Variants in CYS1 observed in about 807,000 individuals in gnomAD.
The protein encoded by CYS1 is cystin 1, also known as cystin-1.
A neutral mutation model predicts 9.6 loss-of-function variants in CYS1; 5 were observed. The ratio of observed to expected loss-of-function variants is 0.52; its 90% confidence interval spans 0.27 to 1.10. CYS1 has a LOEUF of 1.10. Among genes scored for constraint, CYS1 ranks in the 50% least tolerant of loss-of-function variants. The pLI is 0.11. For synonymous variants in CYS1, 88 were observed against 95.7 expected (o/e 0.92, Z 0.47); for missense variants, 221 against 207.9 (o/e 1.06, Z -0.39).
chr2:10,074,482 C>G (rs1661816117), intron 1 of CYS1, among the ~76,000 whole-genome samples: 1 of 152,118 alleles, frequency 6.6e-6, no homozygotes, highest in African/African-American at 2.4e-5. Context: ...CACTGTGGAT[C>G]CTTCTATTAC....
chr2:10,075,554 T>G (rs1661831361), intron 1 of CYS1, among the ~76,000 whole-genome samples: 1 of 152,360 alleles, frequency 6.6e-6, no homozygotes, highest in African/African-American at 2.4e-5. Context: ...CCCATCACCT[T>G]GACGTCCTTC....
Position 10,056,957 on chromosome 2 carries a change from A to C in CYS1, c.*1896T>G, listed in dbSNP as rs1288791746. 1 of 152,238 alleles carries C rather than the reference A, an allele frequency of 6.6e-6. No homozygotes were observed. The highest frequency in any genetic ancestry group is 1.5e-5 in the Non-Finnish European group (1 of 68,050). The allele number at this position is 152,238 out of a possible 1,614,324, so 9.4% of individuals were successfully genotyped here. ...TCCTGTGACTTCTTAGCTTTGATGA[A>C]GTGCATTTACTTTGACATTGATATA... On this transcript the variant is annotated 3_prime_UTR_variant, in exon 3 of 3. Transcript: ENST00000381813.
intron 1 of CYS1, among the ~76,000 whole-genome samples, chr2:10,067,215 C>T (rs112643632): frequency 7.9e-5 from 12 of 152,032 alleles, no homozygotes; most frequent in Admixed American, 1.3e-4. Flanking sequence ...GGAGTTTTCC[C>T]ATGTTGGCCA....
chr2:10,065,215 C>T (rs1160100168), intron 2 of CYS1, among the ~76,000 whole-genome samples: 2 of 152,218 alleles, frequency 1.3e-5, no homozygotes, highest in African/African-American at 2.4e-5. Context: ...TAAGCGAGTT[C>T]AGCAGGGTTC....
intron 1 of CYS1, among the ~76,000 whole-genome samples, chr2:10,077,047 A>G (rs1209603015): frequency 1.3e-5 from 2 of 152,114 alleles, no homozygotes; most frequent in Non-Finnish European, 2.9e-5. Flanking sequence ...CGGCAGCTAC[A>G]TCCCTCCAGC....
At chr2:10,069,806 A>G (rs60872665) in intron 1 of CYS1, among the ~76,000 whole-genome samples, 17,034 of 152,310 alleles carry the variant, frequency 0.11, 1,007 homozygotes, top group Middle Eastern at 0.23. Flanking sequence ...CAAAGTTCCC[A>G]TGACATAAAT....
intron 1 of CYS1, among the ~76,000 whole-genome samples, chr2:10,066,621 C>T (rs1311177004): frequency 6.6e-6 from 1 of 152,248 alleles, no homozygotes; most frequent in Non-Finnish European, 1.5e-5. Flanking sequence ...CCTGGCTGTC[C>T]GCTAAAGCAT....
intron 1 of CYS1, among the ~76,000 whole-genome samples, chr2:10,075,127 AAT>A (rs898157198): frequency 3.4e-5 from 5 of 146,554 alleles, no homozygotes; most frequent in African/African-American, 5.0e-5. Context: ...AAAAAAAAAA[AAT>A]CGCTTCTGGA....
chr2:10,079,670 C>T (rs1272082229), intron 1 of CYS1, among the ~76,000 whole-genome samples: 2 of 151,878 alleles, frequency 1.3e-5, no homozygotes, highest in Non-Finnish European at 2.9e-5. Context: ...TAGGGGTGTC[C>T]TTCCTCGGCC....
At position 10,056,721 on chromosome 2, in the gene CYS1, C is replaced by T. The variant is rs1661553767; in HGVS notation, c.*2132G>A. 6.6e-6 allele frequency: 1 copy of T among 152,266 alleles called. No individual in the cohort carries two copies. The highest frequency in any genetic ancestry group is 1.5e-5 in the Non-Finnish European group (1 of 68,068). 9.4% of individuals were successfully genotyped at this position (152,266 alleles called of 1,614,324 possible). A position where few individuals can be genotyped will look rare whatever the true frequency, so the allele number is the denominator to read the frequency against. On this transcript the variant is annotated 3_prime_UTR_variant, in exon 3 of 3. Coordinates refer to ENST00000381813, the MANE Select transcript of CYS1 (RefSeq NM_001037160.3). ...GGCTGCAGGCTGCAGCAACGCCCACCCCTCTACTTCCAGGCACAGCCCCTC... is the reference window on the plus strand; with the variant it reads ...GGCTGCAGGCTGCAGCAACGCCCACTCCTCTACTTCCAGGCACAGCCCCTC...
At chr2:10,079,470 A>G (rs999613676) in intron 1 of CYS1, among the ~76,000 whole-genome samples, 2 of 152,206 alleles carry the variant, frequency 1.3e-5, no homozygotes, top group Non-Finnish European at 2.9e-5. Flanking sequence ...GCAGCATCCT[A>G]AAAATATCAG....
In CYS1 at chr2:10,080,287, G is replaced by A. The variant is rs2125293654; in HGVS notation, c.-64C>T. 2.0e-6 allele frequency: 2 copies of A among 976,422 alleles called. No individual in the cohort carries two copies. Among genetic ancestry groups the A allele is most frequent in the South Asian group, 9.4e-5 (2 of 21,306 alleles). 60.5% of individuals were successfully genotyped at this position (976,422 alleles called of 1,614,324 possible). On this transcript the variant is annotated 5_prime_UTR_variant, in exon 1 of 3. Transcript: ENST00000381813. This position sits in a 1 kb window ranked among gnomAD's most constrained non-coding sequence, Gnocchi z 6.4. Reference sequence around the variant, plus strand: ...CATGAGGGGGCGCGGCCGGGGGCGGGGACGCTAGGGGGTGCGGCCGGGGCG... The same window carrying A: ...CATGAGGGGGCGCGGCCGGGGGCGGAGACGCTAGGGGGTGCGGCCGGGGCG...
chr2:10,074,171 G>A (rs1317275483), intron 1 of CYS1, among the ~76,000 whole-genome samples: 2 of 152,190 alleles, frequency 1.3e-5, no homozygotes, highest in Non-Finnish European at 2.9e-5. Context: ...TGATGTCCAC[G>A]AAATGACAGC....
At chr2:10,074,086 C>T (rs924105202) in intron 1 of CYS1, among the ~76,000 whole-genome samples, 2 of 152,158 alleles carry the variant, frequency 1.3e-5, no homozygotes, top group Non-Finnish European at 2.9e-5. Context: ...CCAGGCTTGG[C>T]ATCCTTCCCC....
chr2:10,079,616 G>T (rs1169243730), intron 1 of CYS1, among the ~76,000 whole-genome samples: 2 of 151,902 alleles, frequency 1.3e-5, no homozygotes, highest in Non-Finnish European at 2.9e-5. Context: ...AGGCCAGGCG[G>T]GGCCGCGGGC....
At chr2:10,061,443 G>T (rs1180110678) in intron 2 of CYS1, among the ~76,000 whole-genome samples, 1 of 152,212 alleles carries the variant, frequency 6.6e-6, no homozygotes, top group African/African-American at 2.4e-5. Context: ...CTGGCCAACA[G>T]GAATCCCAAG....
chr2:10,065,960 G>A lies in CYS1; in HGVS notation c.319-4C>T. 1 of 1,614,188 alleles carries A rather than the reference G, an allele frequency of 6.2e-7. No homozygotes were observed. The highest frequency in any genetic ancestry group is 8.5e-7 in the Non-Finnish European group (1 of 1,180,022). On this transcript the variant is annotated splice_polypyrimidine_tract_variant and splice_region_variant and intron_variant, in intron 1 of 2. Transcript: ENST00000381813. Reference sequence around the variant, plus strand: ...CTGTGCTCTGCTCTGCGCACACCTTGAGAAAGATGAAATGAAGAGACATTC... The same window carrying A: ...CTGTGCTCTGCTCTGCGCACACCTTAAGAAAGATGAAATGAAGAGACATTC...
intron 1 of CYS1, among the ~76,000 whole-genome samples, chr2:10,071,953 G>A: frequency 6.6e-6 from 1 of 152,180 alleles, no homozygotes; most frequent in East Asian, 1.9e-4. Flanking sequence ...AGATTCTAGG[G>A]GGGCTTTGGA....
chr2:10,078,882 T>A (rs1437174918), intron 1 of CYS1, among the ~76,000 whole-genome samples: 1 of 152,178 alleles, frequency 6.6e-6, no homozygotes, highest in Non-Finnish European at 1.5e-5. Context: ...CTCTTGCTAT[T>A]TGCCTCTCAT....
Sources: allele counts gnomAD v4.1 joint callset (sites outside exome capture counted in the v4.1 genomes callset), GRCh38; gene constraint gnomAD v4.1.1; non-coding constraint Gnocchi (gnomAD v3.1); transcripts MANE v1.5; gene names NCBI Gene and HGNC (gene_info 2026-07-23, HGNC 2026-07-21).